The following RHNO1 variants were observed in gnomAD, a reference collection of about 807,000 sequenced individuals.
RHNO1 encodes the protein RAD9, HUS1, RAD1-interacting nuclear orphan protein 1.
In RHNO1, 9 loss-of-function variants were observed where a neutral mutation model predicts 7.2. The ratio of observed to expected loss-of-function variants is 1.25; its 90% CI spans 0.75 to 2.18. The LOEUF is 2.18. RHNO1 is among the 30% of genes most tolerant of loss of function. The pLI, the probability that RHNO1 is intolerant of heterozygous loss-of-function variation, is 0.00. For synonymous variants in RHNO1, 95 were observed against 107.5 expected, an observed-to-expected ratio of 0.88 and a Z score of 0.72; for missense variants, 292 against 284.5, an observed-to-expected ratio of 1.03 and a Z score of -0.19.
chr12:2,883,246 A>G (rs950145920), intron 1 of RHNO1, among the ~76,000 whole-genome samples: 3 of 150,490 alleles, frequency 2.0e-5, no homozygotes, highest in Non-Finnish European at 3.0e-5. Context: ...GCGCTGTGGC[A>G]CGAGCTGTAG....
At chr12:2,887,478 CAAAAAAAAA>C (rs11310263) in intron 2 of RHNO1, among the ~76,000 whole-genome samples, 39 of 89,100 alleles carry the variant, frequency 4.4e-4, no homozygotes, top group Non-Finnish European at 3.5e-4. Context: ...ACTCTGTCTC[CAAAAAAAAA>C]AAAAAAAAAA....
At position 2,885,438 on chromosome 12, in the gene RHNO1, G is replaced by A. The variant is rs564361449; in HGVS notation, c.72G>A (p.Glu24=). The change falls in exon 2 of 3, where the codon GAG becomes GAA. Residue 24 remains glutamate, a synonymous_variant. Coordinates refer to ENST00000489288, the MANE Select transcript of RHNO1 (RefSeq NM_001252499.3). ...APLLFHQQPL[E]GPKHSCASTQ... The stretch of plus-strand genomic sequence containing the variant: ...TGCTGTTCCACCAACAACCACTGGA[G>A]GGCCCCAAACACAGCTGTGCATCTA... 3 of 1,613,834 alleles carry A rather than the reference G, an allele frequency of 1.9e-6. No homozygotes were observed. The highest frequency in any genetic ancestry group is 1.1e-5 in the South Asian group (1 of 91,052).
At position 2,885,536 on chromosome 12, in the gene RHNO1, T is replaced by G; in HGVS notation, c.168+2T>G. ...GACCACAGCACCATCACTTCCTGGG[T>G]AGGCCCATGGGATTACTATTTGACA... On this transcript the variant is annotated splice_donor_variant, in intron 2 of 2. Transcript: ENST00000489288. LOFTEE classifies it high-confidence loss of function. The G allele has an allele frequency of 6.5e-7, 1 of 1,535,202 alleles. No homozygotes were observed. Among genetic ancestry groups the G allele is most frequent in the East Asian group, 2.3e-5 (1 of 44,258 alleles).
At chr12:2,877,095 C>CGGGCAG (rs2098146579), upstream of RHNO1, 1 of 152,036 alleles carries the variant, frequency 6.6e-6, no homozygotes, top group Non-Finnish European at 1.5e-5. Context: ...GAGGGGGTCC[C>CGGGCAG]GGGCCGGGGC....
intron 1 of RHNO1, among the ~76,000 whole-genome samples, chr12:2,879,828 AC>A (rs981843882): frequency 2.6e-5 from 4 of 152,002 alleles, no homozygotes; most frequent in Non-Finnish European, 5.9e-5. Context: ...GCTCCAAAGC[AC>A]AACCAGAGGG....
intron 1 of RHNO1, among the ~76,000 whole-genome samples, chr12:2,880,661 GGTCT>G (rs914708332): frequency 2.2e-4 from 33 of 151,902 alleles, no homozygotes; most frequent in African/African-American, 7.0e-4. Context: ...TTTGAGATAG[GGTCT>G]GTCTGTCACC....
chr12:2,888,515 T>C lies in RHNO1; in HGVS notation c.*56T>C. On this transcript the variant is annotated 3_prime_UTR_variant, in exon 3 of 3. Coordinates refer to ENST00000489288, the MANE Select transcript of RHNO1 (RefSeq NM_001252499.3). ...TATGTTTTCTGGAGTCATAAAGGAATTCAATTCCTAGGGTTTTTGTTTTTG... is the reference window on the plus strand; with the variant it reads ...TATGTTTTCTGGAGTCATAAAGGAACTCAATTCCTAGGGTTTTTGTTTTTG... The C allele has an allele frequency of 6.9e-7, 1 of 1,454,016 alleles. No individual in the cohort carries two copies. Among genetic ancestry groups the C allele is most frequent in the East Asian group, 2.3e-5 (1 of 43,712 alleles). 90.1% of individuals were successfully genotyped at this position (1,454,016 alleles called of 1,614,324 possible).
At position 2,882,511 on chromosome 12, in the gene RHNO1, TG is replaced by T. The variant is rs547546275; in HGVS notation, c.-84-2770del. 5.3e-3 allele frequency among the ~76,000 whole-genome samples: 806 copies of T among 151,920 alleles called. 14 individuals carry two copies. Among genetic ancestry groups the T allele is most frequent in the African/African-American group, 0.019 (767 of 41,322 alleles). ...GTCTCAACTGAGTTCAAGACCAGCC[TG>T]GCCAAAATGGTGAAACCTCATCTCT... On this transcript the variant is annotated intron_variant, in intron 1 of 2. Transcript: ENST00000489288.
At chr12:2,882,101 T>C (rs1258184466) in intron 1 of RHNO1, among the ~76,000 whole-genome samples, 1 of 151,656 alleles carries the variant, frequency 6.6e-6, no homozygotes, top group Non-Finnish European at 1.5e-5. Flanking sequence ...TCTCTACCTA[T>C]TGCATTCAAC....
At chr12:2,880,780 C>T (rs1182773530) in intron 1 of RHNO1, among the ~76,000 whole-genome samples, 1 of 151,938 alleles carries the variant, frequency 6.6e-6, no homozygotes, top group Non-Finnish European at 1.5e-5. Flanking sequence ...ACTACAGGTA[C>T]ATGCCAACAT....
In RHNO1 at chr12:2,888,423, G is replaced by A. The variant is rs778820816; in HGVS notation, c.681G>A (p.Gly227=). 6 of 1,600,430 alleles carry A rather than the reference G, an allele frequency of 3.7e-6. No homozygotes were observed. In the East Asian group the frequency reaches 1.3e-4, roughly 36 times the overall value. Reference sequence around the variant, plus strand: ...TGCTTGCTTACCTCAGGGAGAGAGGGAAGCTGAGCAGAAGCCAATTCCTTG... The same window carrying A: ...TGCTTGCTTACCTCAGGGAGAGAGGAAAGCTGAGCAGAAGCCAATTCCTTG... ...QHLLAYLRER[G]KLSRSQFLVK... The change falls in exon 3 of 3, where the codon GGG becomes GGA. Residue 227 remains glycine, a synonymous_variant. Coordinates refer to ENST00000489288, the MANE Select transcript of RHNO1 (RefSeq NM_001252499.3).
intron 1 of RHNO1, among the ~76,000 whole-genome samples, chr12:2,880,637 C>CTTTA (rs200261935): frequency 0.02 from 2,997 of 152,020 alleles, 145 homozygotes; most frequent in African/African-American, 0.067. Flanking sequence ...AAAATTTCCA[C>CTTTA]TTTATTTATT....
chr12:2,883,063 T>A (rs2098160034), intron 1 of RHNO1, among the ~76,000 whole-genome samples: 1 of 54,002 alleles, frequency 1.9e-5, no homozygotes, highest in Non-Finnish European at 3.1e-5. Context: ...CAAGGCCCTG[T>A]CTCAAAAAAA....
intron 1 of RHNO1, among the ~76,000 whole-genome samples, chr12:2,880,991 G>A (rs1328407162): frequency 6.6e-6 from 1 of 152,074 alleles, no homozygotes; most frequent in African/African-American, 2.4e-5. Flanking sequence ...AAGGAAACAG[G>A]ATTGCTGAGC....
intron 2 of RHNO1, chr12:2,886,962 GCCT>G: frequency 2.2e-6 from 1 of 455,910 alleles, no homozygotes; most frequent in South Asian, 1.5e-5. Flanking sequence ...TTAACTGAGG[GCCT>G]TCTTTGTTCC....
At chr12:2,885,561 ATTTTTTTTTTTTT>A (rs10558952) in intron 2 of RHNO1, 27 bp downstream of exon 2, 306 of 399,302 alleles carry the variant, frequency 7.7e-4, no homozygotes, top group East Asian at 4.4e-3. Flanking sequence ...ACTATTTGAC[ATTTTTTTTTTTTT>A]TTTTTTTTTT....
rs764057745 is a variant in RHNO1 at position 2,888,336 on chromosome 12, G to T, written c.594G>T (p.Leu198=). ...ATAGCCCAGAGCCTGGACCTGTTCTGGTTAAAGACACCCCCGAGGACAAGT... is the reference window on the plus strand; with the variant it reads ...ATAGCCCAGAGCCTGGACCTGTTCTTGTTAAAGACACCCCCGAGGACAAGT... ...TPNSPEPGPV[L]VKDTPEDKYG... is the part of the protein sequence containing the mutation. Residue 198 remains leucine (L), a synonymous_variant, in exon 3 of 3, where the codon CTG becomes CTT. Transcript: ENST00000489288. 6.2e-7 allele frequency: 1 copy of T among 1,613,978 alleles called. No individual in the cohort carries two copies. The highest frequency in any genetic ancestry group is 1.3e-5 in the African/African-American group (1 of 74,876).
At chr12:2,880,462 A>G (rs184710123) in intron 1 of RHNO1, among the ~76,000 whole-genome samples, 4 of 152,048 alleles carry the variant, frequency 2.6e-5, no homozygotes, top group African/African-American at 4.8e-5. Context: ...ACTAAAAAAT[A>G]CTATAATTAG....
At position 2,888,061 on chromosome 12, in the gene RHNO1, T is replaced by C. The variant is rs370319842; in HGVS notation, c.319T>C (p.Leu107=). ...TCCGCAATCTTCCAGTTCAGAGACA[T>C]TGGGGATCCCCTTAATCCGAGAGTG... ...ESPQSSSSET[L]GIPLIRECPS... is the part of the protein sequence containing the mutation. The change falls in exon 3 of 3, where the codon TTG becomes CTG. Residue 107 remains leucine, a synonymous_variant. Coordinates refer to ENST00000489288, the MANE Select transcript of RHNO1 (RefSeq NM_001252499.3). 1.1e-4 allele frequency: 174 copies of C among 1,614,020 alleles called. No homozygotes were observed. The highest frequency in any genetic ancestry group is 1.3e-4 in the Non-Finnish European group (159 of 1,180,028).
Sources: gnomAD v4.1 joint callset for allele counts (sites outside exome capture counted in the v4.1 genomes callset) on GRCh38, gnomAD v4.1.1 for gene constraint, MANE v1.5 for transcripts, NCBI Gene and HGNC (gene_info 2026-07-23, HGNC 2026-07-21) for gene names.